Variants in SYNPO2 observed in about 807,000 individuals in gnomAD.
SYNPO2 encodes the protein synaptopodin 2, also known as synaptopodin-2.
SYNPO2 carries 56 observed loss-of-function variants against 85.0 expected under a neutral mutation model. The observed-to-expected ratio is 0.66, with a 90% CI of 0.53 to 0.82. SYNPO2 has a LOEUF of 0.82. SYNPO2 is among the 40% of genes least tolerant of loss of function. SYNPO2 has a pLI of 0.00. For synonymous variants in SYNPO2, 602 were observed against 591.1 expected, an observed-to-expected ratio of 1.02 and a Z score of -0.27; for missense variants, 1,575 against 1,534.2, an observed-to-expected ratio of 1.03 and a Z score of -0.44.
chr4:118,964,700 G>C (rs1309488213), intron 1 of SYNPO2, among the ~76,000 whole-genome samples: 3 of 151,670 alleles, frequency 2.0e-5, no homozygotes, highest in African/African-American at 7.3e-5. Flanking sequence ...ATCTTAGGTG[G>C]TTTCCAAGGA....
At position 119,058,520 on chromosome 4, in the gene SYNPO2, T is replaced by A. The variant is rs1275502547; in HGVS notation, c.*586T>A. The A allele has an allele frequency of 7.4e-6, 1 of 135,884 alleles. No homozygotes were observed. Among genetic ancestry groups the A allele is most frequent in the East Asian group, 2.4e-4 (1 of 4,150 alleles). 8.4% of individuals were successfully genotyped at this position (135,884 alleles called of 1,614,324 possible). A position where few individuals can be genotyped will look rare whatever the true frequency, so the allele number is the denominator to read the frequency against. ...TGGAGTCTTGCTCTGTCCCACCCAG[T>A]CTGGAGTGCAATGGTGCGATCTTGG... On this transcript the variant is annotated 3_prime_UTR_variant, in exon 5 of 5. Coordinates refer to ENST00000307142, the MANE Select transcript of SYNPO2 (RefSeq NM_133477.3).
intron 1 of SYNPO2, among the ~76,000 whole-genome samples, chr4:119,022,453 G>T (rs1737756901): frequency 6.8e-6 from 1 of 146,786 alleles, no homozygotes; most frequent in Non-Finnish European, 1.5e-5. Context: ...CACTTCTCCT[G>T]TGTGGCTAGG....
upstream of SYNPO2, among the ~76,000 whole-genome samples, chr4:118,887,472 A>C (rs1000154246): frequency 4.4e-4 from 67 of 152,158 alleles, no homozygotes; most frequent in African/African-American, 1.6e-3. Flanking sequence ...GACAGGAGGT[A>C]CTCCTTATAA....
At chr4:119,029,435 T>C (rs934966406) in intron 3 of SYNPO2, among the ~76,000 whole-genome samples, 1 of 152,174 alleles carries the variant, frequency 6.6e-6, no homozygotes, top group Non-Finnish European at 1.5e-5. Flanking sequence ...TGACACTTTA[T>C]TTTAAAATAT....
At position 119,059,268 on chromosome 4, in the gene SYNPO2, G is replaced by C. The variant is rs1739327905; in HGVS notation, c.*1334G>C. ...AACGATTGATGGATTTAAGGAAGTG[G>C]TACATAAATATGTCTGTTATTATGC... On this transcript the variant is annotated 3_prime_UTR_variant, in exon 5 of 5. Transcript: ENST00000307142. The C allele has an allele frequency of 6.6e-6, 1 of 152,122 alleles. No homozygotes were observed. Among genetic ancestry groups the C allele is most frequent in the African/African-American group, 2.4e-5 (1 of 41,416 alleles). The allele number at this position is 152,122 out of a possible 1,614,324, so 9.4% of individuals were successfully genotyped here.
intron 4 of SYNPO2, chr4:119,037,589 G>A: frequency 1.0e-6 from 1 of 987,930 alleles, no homozygotes; most frequent in Non-Finnish European, 1.2e-6. Flanking sequence ...TGACATGAGT[G>A]GGGACAGAAG....
At chr4:118,881,335 A>G (rs1349953799) in intron 1 of SYNPO2, among the ~76,000 whole-genome samples, 2 of 151,792 alleles carry the variant, frequency 1.3e-5, no homozygotes, top group Non-Finnish European at 2.9e-5. Flanking sequence ...AGAAGAGGTT[A>G]AGATATAGAC....
At chr4:119,043,630 C>T (rs940170862) in intron 4 of SYNPO2, 1 of 152,158 alleles carries the variant, frequency 6.6e-6, no homozygotes, top group African/African-American at 2.4e-5. Flanking sequence ...ATTGCAGCTT[C>T]ATGAATGCAT....
chr4:118,898,808 C>T (rs1342342309), intron 1 of SYNPO2, among the ~76,000 whole-genome samples: 1 of 152,152 alleles, frequency 6.6e-6, no homozygotes, highest in African/African-American at 2.4e-5. Flanking sequence ...TCACCTGTCA[C>T]CCTCCCAGAA....
In SYNPO2 at chr4:118,889,073, G is replaced by A; in HGVS notation, c.37G>A (p.Gly13Arg). Residue 13 changes from glycine (G) to arginine (R), a missense_variant, in exon 1 of 5, where the codon GGA (glycine) becomes AGA (arginine). Physicochemically the swap from Gly to Arg is moderately radical, Grantham distance 125 (BLOSUM62 -2). Around this residue, in one of 3 missense-constraint regions of SYNPO2, gnomAD observed 55 missense variants for 55.5 expected, o/e 0.99. Coordinates refer to ENST00000307142, the MANE Select transcript of SYNPO2 (RefSeq NM_133477.3). ...TGDFICISMTGGAPWGFRLQG... is the reference protein window; with the variant it reads ...TGDFICISMTRGAPWGFRLQG... ...GGATTTTATCTGCATTTCCATGACT[G>A]GAGGGGCGCCCTGGGGGTTCAGATT... The A allele has an allele frequency of 6.2e-7, 1 of 1,614,194 alleles. No individual in the cohort carries two copies. Among genetic ancestry groups the A allele is most frequent in the Non-Finnish European group, 8.5e-7 (1 of 1,180,036 alleles).
chr4:119,042,391 C>T (rs1406887623), intron 4 of SYNPO2: 1 of 151,972 alleles, frequency 6.6e-6, no homozygotes, highest in African/African-American at 2.4e-5. Flanking sequence ...GCTATTTTTT[C>T]TTATCTCTGG....
intron 1 of SYNPO2, among the ~76,000 whole-genome samples, chr4:118,936,015 TG>T (rs1734087668): frequency 6.6e-6 from 1 of 152,092 alleles, no homozygotes; most frequent in African/African-American, 2.4e-5. Context: ...CAGGCACATG[TG>T]GTGTAACTAT....
chr4:119,033,242 A>T (rs1424431021), intron 4 of SYNPO2: 5 of 985,160 alleles, frequency 5.1e-6, no homozygotes, highest in Non-Finnish European at 6.0e-6. Flanking sequence ...GATCTCACAG[A>T]TTTTTTTTCT....
rs1424351304 is a variant in SYNPO2 at position 119,030,700 on chromosome 4, G to A, written c.1925G>A (p.Gly642Asp). 1 of 1,613,954 alleles carries A rather than the reference G, an allele frequency of 6.2e-7. No homozygotes were observed. Among genetic ancestry groups the A allele is most frequent in the East Asian group, 2.2e-5 (1 of 44,882 alleles). ...AGAGGGGTTTCAAGTCCGATTGCTG[G>A]CCCAGCACAGCCCCCTCCATGGCCC... ...FSRGVSSPIA[G>D]PAQPPPWPQP... The change falls in exon 4 of 5, where the codon GGC (glycine) becomes GAC (aspartate). Residue 642 changes from glycine (G) to aspartate (D), a missense_variant. By Grantham distance (94) the Gly-to-Asp change is moderately conservative. Transcript: ENST00000307142.
In SYNPO2 at chr4:119,030,804, C is replaced by A. The variant is rs200716335; in HGVS notation, c.2029C>A (p.Pro677Thr). ...IASRDERISV[P>T]AKRTGILQEA... ...TTCCCGAGATGAGAGGATCTCAGTG[C>A]CAGCAAAAAGAACAGGAATATTGCA... Residue 677 changes from proline to threonine, a missense_variant, in exon 4 of 5, where the codon CCA becomes ACA. Physicochemically the swap from Pro to Thr is conservative, Grantham distance 38. Coordinates refer to ENST00000307142, the MANE Select transcript of SYNPO2 (RefSeq NM_133477.3). The A allele has an allele frequency of 2.3e-4, 372 of 1,613,888 alleles. 1 individual carries two copies. Among genetic ancestry groups the A allele is most frequent in the South Asian group, 6.4e-4 (58 of 91,062 alleles).
At chr4:118,876,673 CTTTCTTTCTTTCTTTCTTTCTT>C (rs1731921857) in intron 1 of SYNPO2, among the ~76,000 whole-genome samples, 1 of 5,726 alleles carries the variant, frequency 1.7e-4, no homozygotes, top group Non-Finnish European at 3.8e-4. Flanking sequence ...CTTTCTCTTT[CTTTCTTTCTTTCTTTCTTTCTT>C]TCTTTCTTTC....
chr4:119,026,990 A>C lies in SYNPO2; in HGVS notation c.621A>C (p.Arg207Ser). The C allele has an allele frequency of 6.2e-7, 1 of 1,614,174 alleles. No individual in the cohort carries two copies. Among genetic ancestry groups the C allele is most frequent in the Non-Finnish European group, 8.5e-7 (1 of 1,180,040 alleles). Residue 207 changes from arginine to serine, a missense_variant, in exon 3 of 5, where the codon AGA (arginine) becomes AGC (serine). Transcript: ENST00000307142. Reference protein sequence around the residue: ...VELQLSLSQERHKGASGPLVA... With the variant: ...VELQLSLSQESHKGASGPLVA... ...TGCAACTGTCCCTTTCACAGGAGAGACATAAGGGCGCTAGTGGCCCTTTAG... is the reference window on the plus strand; with the variant it reads ...TGCAACTGTCCCTTTCACAGGAGAGCCATAAGGGCGCTAGTGGCCCTTTAG...
intron 1 of SYNPO2, among the ~76,000 whole-genome samples, chr4:118,999,058 C>T (rs1304119593): frequency 6.6e-6 from 1 of 152,190 alleles, no homozygotes; most frequent in Non-Finnish European, 1.5e-5. Flanking sequence ...ATTTAACAGC[C>T]TTTACCTCTC....
chr4:118,871,248 G>A (rs907935130), intron 1 of SYNPO2, among the ~76,000 whole-genome samples: 27 of 151,548 alleles, frequency 1.8e-4, no homozygotes, highest in African/African-American at 5.6e-4. Flanking sequence ...CCACACCTTC[G>A]TATCTTTATT....
Sources: gnomAD v4.1 joint callset for allele counts (sites outside exome capture counted in the v4.1 genomes callset) on GRCh38, gnomAD v4.1.1 for gene constraint, gnomAD v4.1.1 regional missense constraint, MANE v1.5 for transcripts, NCBI Gene and HGNC (gene_info 2026-07-23, HGNC 2026-07-21) for gene names.